Variants in A2ML1 observed in about 807,000 individuals in gnomAD.
A2ML1 encodes the protein alpha-2-macroglobulin like 1, also known as alpha-2-macroglobulin-like protein 1.
A neutral mutation model predicts 181.9 loss-of-function variants in A2ML1; 161 were observed. The ratio of observed to expected loss-of-function variants is 0.89; its 90% CI spans 0.78 to 1.01. The LOEUF (loss-of-function observed/expected upper bound fraction) is 1.01, where lower values mean the gene tolerates loss of function less well. A2ML1 is among the 50% of genes least tolerant of loss of function. The pLI is 0.00. For synonymous variants in A2ML1, 663 were observed against 666.8 expected, an observed-to-expected ratio of 0.99 and a Z score of 0.09; for missense variants, 1,670 against 1,768.1, an observed-to-expected ratio of 0.94 and a Z score of 1.00.
chr12:8,840,988 A>G (rs1943453917), intron 10 of A2ML1, among the ~76,000 whole-genome samples: 1 of 89,360 alleles, frequency 1.1e-5, no homozygotes, highest in Non-Finnish European at 2.5e-5. Flanking sequence ...AGAAGGAAGG[A>G]AGGAAGGAAG....
chr12:8,844,861 C>T (rs932946205), intron 12 of A2ML1: 50 of 461,964 alleles, frequency 1.1e-4, no homozygotes, highest in Non-Finnish European at 1.5e-4. Flanking sequence ...TAATGCTGGG[C>T]AGGCGTCCAA....
chr12:8,857,320 C>T lies in A2ML1; in HGVS notation c.3005C>T (p.Ala1002Val), dbSNP rs893125031. The T allele has an allele frequency of 3.1e-6, 5 of 1,613,906 alleles. No individual in the cohort carries two copies. The highest frequency in any genetic ancestry group is 1.7e-5 in the Admixed American group (1 of 59,980). Residue 1002 changes from alanine to valine, a missense_variant, in exon 24 of 36, where the codon GCA (alanine) becomes GTA (valine). By Grantham distance (64) the Ala-to-Val change is moderately conservative (BLOSUM62 0). Transcript: ENST00000299698. Reference sequence around the variant, plus strand: ...CTGACGGAGGAGATCAGGTCTCGGGCAGTGGGTTTCCTGGAAATAGGTAAG... The same window carrying T: ...CTGACGGAGGAGATCAGGTCTCGGGTAGTGGGTTTCCTGGAAATAGGTAAG... ...GLLTEEIRSRAVGFLEIGYQK... is the reference protein window; with the variant it reads ...GLLTEEIRSRVVGFLEIGYQK...
chr12:8,871,964 GGT>G (rs1467743643), intron 33 of A2ML1, among the ~76,000 whole-genome samples: 1 of 151,994 alleles, frequency 6.6e-6, no homozygotes, highest in Non-Finnish European at 1.5e-5. Context: ...CAGATCATGA[GGT>G]CAGGAGATCA....
chr12:8,844,461 A>G (rs1943599214), intron 12 of A2ML1, among the ~76,000 whole-genome samples: 1 of 152,090 alleles, frequency 6.6e-6, no homozygotes, highest in Non-Finnish European at 1.5e-5. Flanking sequence ...ATATGGGGTT[A>G]AATTCACATC....
At chr12:8,823,039 T>G in intron 1 of A2ML1, 143 bp from the exon 2 acceptor site, 2 of 850,658 alleles carry the variant, frequency 2.4e-6, no homozygotes, top group Admixed American at 5.2e-5. Context: ...GCCCCTCTGC[T>G]TCTTGTAGAA....
intron 4 of A2ML1, among the ~76,000 whole-genome samples, chr12:8,834,044 C>G (rs1466830586): frequency 6.6e-6 from 1 of 152,066 alleles, no homozygotes; most frequent in Non-Finnish European, 1.5e-5. Context: ...CTGAGCCCCT[C>G]TCCTGCTATT....
intron 11 of A2ML1, among the ~76,000 whole-genome samples, chr12:8,842,014 T>G (rs1316640454): frequency 6.6e-6 from 1 of 152,210 alleles, no homozygotes; most frequent in East Asian, 1.9e-4. Context: ...TCACTGCTTG[T>G]GCATCTGGGG....
chr12:8,863,784 TTTTCCA>T lies in A2ML1; in HGVS notation c.3503-8_3503-3del. The T allele has an allele frequency of 6.2e-7, 1 of 1,613,926 alleles. No homozygotes were observed. Among genetic ancestry groups the T allele is most frequent in the South Asian group, 1.1e-5 (1 of 91,032 alleles). ...CTAAGGACATCCTAGTTATGTTTCT[TTTTCCA>T]TAGGAGAATCCATTTACTGGAGCCA... On this transcript the variant is annotated splice_polypyrimidine_tract_variant and splice_region_variant and intron_variant, in intron 28 of 35. Coordinates refer to ENST00000299698, the MANE Select transcript of A2ML1 (RefSeq NM_144670.6).
downstream of A2ML1, among the ~76,000 whole-genome samples, chr12:8,887,229 G>A (rs889772464): frequency 1.3e-5 from 2 of 151,946 alleles, no homozygotes; most frequent in Non-Finnish European, 2.9e-5. Context: ...TAATAAAGTG[G>A]AAAAATTAAA....
At chr12:8,865,465 G>T (rs751942170) in intron 29 of A2ML1, among the ~76,000 whole-genome samples, 1 of 152,288 alleles carries the variant, frequency 6.6e-6, no homozygotes, top group South Asian at 2.1e-4. Context: ...CTTGAACCCG[G>T]GAGGCAGAGG....
chr12:8,839,095 T>A lies in A2ML1; in HGVS notation c.971-18T>A, dbSNP rs1478731771. Reference sequence around the variant, plus strand: ...TATCAGGTGCCTAGATCTTTATACATCTGGTTTCCCTCTGCAGGTGTGGAG... The same window carrying A: ...TATCAGGTGCCTAGATCTTTATACAACTGGTTTCCCTCTGCAGGTGTGGAG... On this transcript the variant is annotated intron_variant, in intron 9 of 35. Coordinates refer to ENST00000299698, the MANE Select transcript of A2ML1 (RefSeq NM_144670.6). 1 of 1,558,982 alleles carries A rather than the reference T, an allele frequency of 6.4e-7. No individual in the cohort carries two copies.
chr12:8,846,243 G>T, intron 14 of A2ML1, 21 bp downstream of exon 14: 2 of 1,612,996 alleles, frequency 1.2e-6, no homozygotes, highest in Middle Eastern at 3.3e-4. Context: ...AGCGGAGAAG[G>T]GTGAAGATAA....
intron 4 of A2ML1, among the ~76,000 whole-genome samples, chr12:8,831,657 C>T (rs940399463): frequency 3.9e-5 from 6 of 152,174 alleles, no homozygotes; most frequent in Non-Finnish European, 8.8e-5. Context: ...GAAAGAGTAA[C>T]TCACCCAGAG....
At chr12:8,836,399 G>A in intron 7 of A2ML1, 60 bp downstream of exon 7, 1 of 1,418,858 alleles carries the variant, frequency 7.0e-7, no homozygotes. Context: ...ACATGATGAG[G>A]GGATGACATG....
intron 26 of A2ML1, 79 bp downstream of exon 26, chr12:8,858,181 G>C: frequency 6.7e-7 from 1 of 1,488,140 alleles, no homozygotes; most frequent in South Asian, 1.3e-5. Context: ...AAGCAAAAGA[G>C]CACTGGCCTG....
intron 13 of A2ML1, 116 bp from the exon 14 acceptor site, chr12:8,845,961 G>T: frequency 9.2e-7 from 1 of 1,087,214 alleles, no homozygotes; most frequent in South Asian, 2.1e-5. Context: ...AGAAAAATGA[G>T]AAGTAACTTG....
Position 8,848,803 on chromosome 12 carries a change from G to T in A2ML1, c.1917G>T (p.Trp639Cys). ...EYDQCPVSGP[W>C]DFPQPLIDPM... ...ATCAGTGTCCAGTGTCTGGCCCATGGGACTTTCCTCAGCCCCTCATTGACC... is the reference window on the plus strand; with the variant it reads ...ATCAGTGTCCAGTGTCTGGCCCATGTGACTTTCCTCAGCCCCTCATTGACC... The change falls in exon 16 of 36, where the codon TGG (tryptophan) becomes TGT (cysteine). Residue 639 changes from tryptophan (W) to cysteine (C), a missense_variant. Transcript: ENST00000299698. 6.2e-7 allele frequency: 1 copy of T among 1,614,082 alleles called. No individual in the cohort carries two copies. Among genetic ancestry groups the T allele is most frequent in the Non-Finnish European group, 8.5e-7 (1 of 1,180,020 alleles).
intron 29 of A2ML1, among the ~76,000 whole-genome samples, chr12:8,867,381 C>T (rs750438684): frequency 8.5e-5 from 13 of 152,300 alleles, no homozygotes; most frequent in Admixed American, 2.6e-4. Flanking sequence ...GGTATGGTGG[C>T]TCATGCCTGT....
chr12:8,839,241 C>G lies in A2ML1; in HGVS notation c.1080+19C>G, dbSNP rs750020299. ...TGGGAAGGTATGTTAAAACTTTTCTCTGCATAGACAAAAAAATGCATAACC... is the reference window on the plus strand; with the variant it reads ...TGGGAAGGTATGTTAAAACTTTTCTGTGCATAGACAAAAAAATGCATAACC... On this transcript the variant is annotated intron_variant, in intron 10 of 35. Coordinates refer to ENST00000299698, the MANE Select transcript of A2ML1 (RefSeq NM_144670.6). The G allele has an allele frequency of 2.3e-5, 37 of 1,581,600 alleles. No homozygotes were observed. Among genetic ancestry groups the G allele is most frequent in the Non-Finnish European group, 1.5e-5 (17 of 1,152,944 alleles).
Sources: allele counts gnomAD v4.1 joint callset (sites outside exome capture counted in the v4.1 genomes callset), GRCh38; gene constraint gnomAD v4.1.1; transcripts MANE v1.5; gene names NCBI Gene and HGNC (gene_info 2026-07-23, HGNC 2026-07-21).